MGMT: variants seen among roughly 807,000 people sequenced by gnomAD.
MGMT encodes O-6-methylguanine-DNA methyltransferase, also known as methylated-DNA--protein-cysteine methyltransferase.
MGMT carries 14 observed loss-of-function variants against 15.9 expected under a neutral mutation model. That is an observed-to-expected ratio of 0.88 (90% CI 0.58 to 1.37). The LOEUF is 1.37. Among genes scored for constraint, MGMT ranks in the 40% most tolerant of loss-of-function variants. MGMT has a pLI of 0.00. For synonymous variants in MGMT, 130 were observed against 118.2 expected, an observed-to-expected ratio of 1.10 and a Z score of -0.65; for missense variants, 282 against 268.1, an observed-to-expected ratio of 1.05 and a Z score of -0.36.
chr10:129,740,361 G>A (rs1848617357), intron 3 of MGMT, among the ~76,000 whole-genome samples: 1 of 152,134 alleles, frequency 6.6e-6, no homozygotes, highest in Non-Finnish European at 1.5e-5. Flanking sequence ...TACAGGAGAT[G>A]GGAAGAGGCC....
intron 1 of MGMT, among the ~76,000 whole-genome samples, chr10:129,504,234 A>G (rs1845602920): frequency 6.6e-6 from 1 of 152,242 alleles, no homozygotes; most frequent in African/African-American, 2.4e-5. Flanking sequence ...CTGCAAATGG[A>G]GATTGAGACA....
At chr10:129,589,372 C>T (rs919254188) in intron 2 of MGMT, among the ~76,000 whole-genome samples, 3 of 152,220 alleles carry the variant, frequency 2.0e-5, no homozygotes, top group Non-Finnish European at 4.4e-5. Context: ...CAGGGCCTCA[C>T]TTGGGCCATG....
chr10:129,515,300 C>G (rs1012251864), intron 1 of MGMT, among the ~76,000 whole-genome samples: 6 of 152,204 alleles, frequency 3.9e-5, no homozygotes, highest in Non-Finnish European at 7.3e-5. Flanking sequence ...TGGGAGCCCA[C>G]AGTCCAGCCA....
At chr10:129,664,739 G>A (rs975215207) in intron 2 of MGMT, among the ~76,000 whole-genome samples, 3 of 152,176 alleles carry the variant, frequency 2.0e-5, no homozygotes, top group African/African-American at 7.2e-5. Flanking sequence ...TACAAAATGA[G>A]CCCAGAATTA....
Position 129,707,903 on chromosome 10 carries a change from A to G in MGMT, c.134A>G (p.Glu45Gly). The G allele has an allele frequency of 6.2e-7, 1 of 1,610,902 alleles. No individual in the cohort carries two copies. Among genetic ancestry groups the G allele is most frequent in the Non-Finnish European group, 8.5e-7 (1 of 1,179,838 alleles). The change falls in exon 3 of 5, where the codon GAG becomes GGG. Residue 45 changes from glutamate to glycine, a missense_variant. Glu to Gly is a moderately conservative substitution (Grantham distance 98). Transcript: ENST00000651593. Reference protein sequence around the residue: ...GKGTSAADAVEVPAPAAVLGG... With the variant: ...GKGTSAADAVGVPAPAAVLGG... ...TGTTCTCACTTTTGCAGTGCCGTGG[A>G]GGTCCCAGCCCCCGCTGCGGTTCTC...
rs114624100 is a variant in MGMT, at chr10:129,530,140, T to G, written c.-12-6101T>G. On this transcript the variant is annotated intron_variant, in intron 1 of 4. Transcript: ENST00000651593. The stretch of plus-strand genomic sequence containing the variant: ...CTGGTCTTGAACTCGTGGGCTGAAG[T>G]GATCCTCCTGCCTCGGCCTGCCAAA... Among the ~76,000 whole-genome samples the G allele has an allele frequency of 5.2e-3, 793 of 152,278 alleles. 11 individuals are homozygous for G. Among genetic ancestry groups the G allele is most frequent in the African/African-American group, 0.018 (764 of 41,550 alleles).
intron 3 of MGMT, among the ~76,000 whole-genome samples, chr10:129,717,363 T>C (rs183327762): frequency 3.5e-4 from 54 of 152,330 alleles, no homozygotes; most frequent in Admixed American, 7.8e-4. Flanking sequence ...AAGTAGGCTG[T>C]GGTAAATAGC....
intron 2 of MGMT, among the ~76,000 whole-genome samples, chr10:129,681,632 C>T (rs1015401771): frequency 6.6e-6 from 1 of 152,204 alleles, no homozygotes; most frequent in Non-Finnish European, 1.5e-5. Context: ...GGTCCACTTA[C>T]ATGTGGATTT....
chr10:129,630,579 A>G (rs77097606), intron 2 of MGMT, among the ~76,000 whole-genome samples: 3,918 of 152,264 alleles, frequency 0.026, 81 homozygotes, highest in South Asian at 0.061. Flanking sequence ...CTGAGACCCT[A>G]TTGCCTTTAC....
chr10:129,678,841 G>A (rs1181835183), intron 2 of MGMT, among the ~76,000 whole-genome samples: 1 of 152,124 alleles, frequency 6.6e-6, no homozygotes, highest in Non-Finnish European at 1.5e-5. Flanking sequence ...GGAGGCCGAG[G>A]TGGGTAGATC....
At chr10:129,491,732 A>G (rs1170413947) in intron 1 of MGMT, among the ~76,000 whole-genome samples, 1 of 152,130 alleles carries the variant, frequency 6.6e-6, no homozygotes, top group Non-Finnish European at 1.5e-5. Context: ...AAACCCATCC[A>G]ATGAATCCTG....
intron 1 of MGMT, among the ~76,000 whole-genome samples, chr10:129,530,812 C>T (rs553715135): frequency 2.6e-5 from 4 of 152,370 alleles, no homozygotes; most frequent in Admixed American, 2.0e-4. Flanking sequence ...CCCCAGCTCT[C>T]GTGGCGGGTG....
Position 129,503,118 on chromosome 10 carries a change from TA to T in MGMT, c.-12-33122del, listed in dbSNP as rs201217694. On this transcript the variant is annotated intron_variant, in intron 1 of 4. Transcript: ENST00000651593. ...CCCACACTGCTTGGATTTTTTTTTTTATTATTATCCTCCAGCTCCTATTCTT... is the reference window on the plus strand; with the variant it reads ...CCCACACTGCTTGGATTTTTTTTTTTTTATTATCCTCCAGCTCCTATTCTT... Among the ~76,000 whole-genome samples, 1,138 of 150,788 alleles carry T rather than the reference TA, an allele frequency of 7.5e-3. 16 individuals carry two copies. Among genetic ancestry groups the T allele is most frequent in the African/African-American group, 0.025 (1,007 of 41,044 alleles).
Position 129,742,785 on chromosome 10 carries a change from C to G in MGMT, c.275-16417C>G, listed in dbSNP as rs564521506. Among the ~76,000 whole-genome samples the G allele has an allele frequency of 4.0e-5, 6 of 151,104 alleles. No individual in the cohort carries two copies. The South Asian group carries it at 1.0e-3, about 26-fold the overall frequency. On this transcript the variant is annotated intron_variant, in intron 3 of 4. Coordinates refer to ENST00000651593, the MANE Select transcript of MGMT (RefSeq NM_002412.5). Reference sequence around the variant, plus strand: ...TCAGGGCCGGGGCATTCAGCAGTGCCTCACAACTGCAACGGCCCATGCTCA... The same window carrying G: ...TCAGGGCCGGGGCATTCAGCAGTGCGTCACAACTGCAACGGCCCATGCTCA...
At chr10:129,631,219 C>T (rs981514337) in intron 2 of MGMT, among the ~76,000 whole-genome samples, 3 of 151,850 alleles carry the variant, frequency 2.0e-5, no homozygotes, top group African/African-American at 7.3e-5. Flanking sequence ...GCTGTGACAA[C>T]GTAGCCTGAG....
At chr10:129,568,903 C>T (rs1178627197) in intron 2 of MGMT, among the ~76,000 whole-genome samples, 1 of 152,210 alleles carries the variant, frequency 6.6e-6, no homozygotes, top group Non-Finnish European at 1.5e-5. Context: ...TTCCTGGAAT[C>T]CAGGTTTTCA....
chr10:129,672,869 C>T (rs1847740366), intron 2 of MGMT, among the ~76,000 whole-genome samples: 1 of 151,984 alleles, frequency 6.6e-6, no homozygotes. Flanking sequence ...TATTTTGTGC[C>T]ATATTAGTAC....
intron 2 of MGMT, among the ~76,000 whole-genome samples, chr10:129,641,044 A>AG (rs1564745445): frequency 6.6e-6 from 1 of 152,226 alleles, no homozygotes; most frequent in African/African-American, 2.4e-5. Flanking sequence ...CAGTACATCA[A>AG]GGGAAAAAAT....
intron 2 of MGMT, among the ~76,000 whole-genome samples, chr10:129,684,987 G>C (rs887358492): frequency 2.6e-5 from 4 of 152,160 alleles, no homozygotes; most frequent in African/African-American, 4.8e-5. Flanking sequence ...TCTATGACAG[G>C]CCCGAGTAGC....
Sources: gnomAD v4.1 joint callset for allele counts (sites outside exome capture counted in the v4.1 genomes callset) on GRCh38, gnomAD v4.1.1 for gene constraint, MANE v1.5 for transcripts, NCBI Gene and HGNC (gene_info 2026-07-23, HGNC 2026-07-21) for gene names.